SLC24A3: variants seen among roughly 807,000 people sequenced by gnomAD.
The protein encoded by SLC24A3 is solute carrier family 24 member 3, also known as sodium/potassium/calcium exchanger 3.
Under a neutral mutation model 75.8 loss-of-function variants are expected in SLC24A3, and 28 were observed. The ratio of observed to expected loss-of-function variants is 0.37; its 90% CI spans 0.27 to 0.51. The LOEUF is 0.51. SLC24A3 is among the 20% of genes least tolerant of loss of function. The pLI is 0.94. For synonymous variants in SLC24A3, 372 were observed against 334.1 expected (o/e 1.11, Z -1.24); for missense variants, 663 against 847.8 (o/e 0.78, Z 2.71).
intron 1 of SLC24A3, chr20:19,265,888 C>T (rs1983150913): frequency 6.5e-6 from 1 of 153,012 alleles, no homozygotes; most frequent in African/African-American, 2.4e-5. Context: ...TTATGGCCTA[C>T]AGGATGTGGG....
intron 3 of SLC24A3, among the ~76,000 whole-genome samples, chr20:19,543,210 A>G (rs571724003): frequency 6.6e-6 from 1 of 152,326 alleles, no homozygotes; most frequent in South Asian, 2.1e-4. Context: ...CTTCAAGGTT[A>G]TACATTCAGT....
At position 19,722,897 on chromosome 20, in the gene SLC24A3, A is replaced by G. The variant is rs149069115; in HGVS notation, c.*1757A>G. ...TGTAAAATAAACTTCTCTGTTCTCT[A>G]TCCTTCCCAGAGCAGAGTGCATTAC... On this transcript the variant is annotated 3_prime_UTR_variant, in exon 17 of 17. Coordinates refer to ENST00000328041, the MANE Select transcript of SLC24A3 (RefSeq NM_020689.4). The G allele has an allele frequency of 9.8e-5, 15 of 152,772 alleles. No homozygotes were observed. The highest frequency in any genetic ancestry group is 3.3e-4 in the Admixed American group (5 of 15,306). The allele number at this position is 152,772 out of a possible 1,614,324, so 9.5% of individuals were successfully genotyped here. A position where few individuals can be genotyped will look rare whatever the true frequency, so the allele number is the denominator to read the frequency against.
At chr20:19,292,986 G>A (rs1052790580) in intron 2 of SLC24A3, among the ~76,000 whole-genome samples, 2 of 152,056 alleles carry the variant, frequency 1.3e-5, no homozygotes, top group African/African-American at 2.4e-5. Context: ...CTTCCCAAAG[G>A]TCTTACCTCC....
intron 2 of SLC24A3, among the ~76,000 whole-genome samples, chr20:19,491,624 C>T (rs1331348610): frequency 2.0e-5 from 3 of 152,288 alleles, no homozygotes; most frequent in South Asian, 2.1e-4. Flanking sequence ...CCCTCCTGCT[C>T]ATGTGTCAGA....
intron 6 of SLC24A3, among the ~76,000 whole-genome samples, chr20:19,648,395 C>G (rs1180851614): frequency 6.6e-6 from 1 of 152,082 alleles, no homozygotes; most frequent in African/African-American, 2.4e-5. Flanking sequence ...CTCACAGACA[C>G]TAACAGTTTT....
At chr20:19,472,894 C>A (rs1987898404) in intron 2 of SLC24A3, among the ~76,000 whole-genome samples, 1 of 152,200 alleles carries the variant, frequency 6.6e-6, no homozygotes, top group Non-Finnish European at 1.5e-5. Flanking sequence ...GCATACAGGG[C>A]CGGCATCAGC....
At chr20:19,593,279 G>C (rs2031404813) in intron 6 of SLC24A3, among the ~76,000 whole-genome samples, 3 of 152,220 alleles carry the variant, frequency 2.0e-5, no homozygotes, top group Non-Finnish European at 4.4e-5. Flanking sequence ...AATGAGCCCA[G>C]GGCTAATTGA....
chr20:19,258,675 C>G (rs1054599244), intron 1 of SLC24A3, among the ~76,000 whole-genome samples: 5 of 152,060 alleles, frequency 3.3e-5, no homozygotes, highest in African/African-American at 1.2e-4. Context: ...GCACTCCAGC[C>G]TGGGTGACAG....
intron 9 of SLC24A3, among the ~76,000 whole-genome samples, chr20:19,680,919 G>GC (rs529577950): frequency 6.4e-4 from 98 of 152,328 alleles, no homozygotes; most frequent in African/African-American, 2.3e-3. Flanking sequence ...ATGCCTAACT[G>GC]CCATGCCTAT....
intron 6 of SLC24A3, among the ~76,000 whole-genome samples, chr20:19,633,440 G>A: frequency 6.6e-6 from 1 of 151,968 alleles, no homozygotes; most frequent in Non-Finnish European, 1.5e-5. Flanking sequence ...ACGAGGTCAG[G>A]AGATCGAGAC....
chr20:19,360,442 T>G (rs1985764998), intron 2 of SLC24A3, among the ~76,000 whole-genome samples: 1 of 152,250 alleles, frequency 6.6e-6, no homozygotes, highest in Non-Finnish European at 1.5e-5. Context: ...AACAGCTGAA[T>G]CTGTGAATGT....
chr20:19,611,265 GATT>G (rs1306602950), intron 6 of SLC24A3, among the ~76,000 whole-genome samples: 5 of 152,232 alleles, frequency 3.3e-5, no homozygotes, highest in African/African-American at 1.2e-4. Flanking sequence ...TCCACTGCAA[GATT>G]CCTCACTTCT....
At chr20:19,565,478 C>T (rs2030942169) in intron 3 of SLC24A3, among the ~76,000 whole-genome samples, 1 of 152,124 alleles carries the variant, frequency 6.6e-6, no homozygotes, top group East Asian at 1.9e-4. Context: ...GCCTCAAGTT[C>T]TGTGGTGCAA....
intron 2 of SLC24A3, among the ~76,000 whole-genome samples, chr20:19,436,816 A>G (rs541628746): frequency 1.3e-5 from 2 of 152,246 alleles, no homozygotes; most frequent in South Asian, 4.2e-4. Flanking sequence ...ACCAATCACA[A>G]TGGCTAAGAA....
chr20:19,570,833 G>A (rs989981368), intron 3 of SLC24A3, among the ~76,000 whole-genome samples: 1 of 152,152 alleles, frequency 6.6e-6, no homozygotes. Flanking sequence ...TTAGAGGTTA[G>A]TGAGAACAAG....
chr20:19,287,655 CT>C (rs1318291734), intron 2 of SLC24A3, among the ~76,000 whole-genome samples: 2 of 152,222 alleles, frequency 1.3e-5, no homozygotes, highest in Non-Finnish European at 2.9e-5. Context: ...CAATTTTATT[CT>C]CTTTTCACCT....
At chr20:19,469,072 G>A (rs151232799) in intron 2 of SLC24A3, among the ~76,000 whole-genome samples, 12 of 152,232 alleles carry the variant, frequency 7.9e-5, no homozygotes, top group African/African-American at 2.4e-4. Flanking sequence ...CTTAGGAGGG[G>A]CAGAGAGCAT....
intron 6 of SLC24A3, among the ~76,000 whole-genome samples, chr20:19,644,837 TC>T: frequency 6.6e-6 from 1 of 152,246 alleles, no homozygotes; most frequent in African/African-American, 2.4e-5. Context: ...GAGTAGAACC[TC>T]AGGGCTTCCA....
At chr20:19,592,525 A>G (rs1316961439) in intron 6 of SLC24A3, among the ~76,000 whole-genome samples, 2 of 152,236 alleles carry the variant, frequency 1.3e-5, no homozygotes, top group Non-Finnish European at 2.9e-5. Context: ...AATGGGGGAA[A>G]GAAAATGAAG....
Sources: gnomAD v4.1 joint callset for allele counts (sites outside exome capture counted in the v4.1 genomes callset) on GRCh38, gnomAD v4.1.1 for gene constraint, MANE v1.5 for transcripts, NCBI Gene and HGNC (gene_info 2026-07-23, HGNC 2026-07-21) for gene names.